ECT2L: variants seen among roughly 807,000 people sequenced by gnomAD.
ECT2L encodes epithelial cell-transforming sequence 2 oncogene-like.
Under a neutral mutation model 122.8 loss-of-function variants are expected in ECT2L, and 126 were observed. The observed-to-expected ratio is 1.03, with a 90% CI of 0.89 to 1.19. ECT2L has a LOEUF of 1.19. Among genes scored for constraint, ECT2L ranks in the 50% most tolerant of loss-of-function variants. The pLI, the probability that ECT2L is intolerant of heterozygous loss-of-function variation, is 0.00. For synonymous variants in ECT2L, 385 were observed against 381.8 expected (o/e 1.01, Z -0.10); for missense variants, 1,012 against 1,064.1 (o/e 0.95, Z 0.68).
intron 16 of ECT2L, among the ~76,000 whole-genome samples, chr6:138,883,894 C>T (rs1455466342): frequency 6.6e-6 from 1 of 152,036 alleles, no homozygotes; most frequent in Non-Finnish European, 1.5e-5. Context: ...ACAGGGTCTC[C>T]CTCTGTCACC....
intron 11 of ECT2L, among the ~76,000 whole-genome samples, chr6:138,864,082 A>G (rs2128399748): frequency 7.6e-6 from 1 of 131,954 alleles, no homozygotes; most frequent in South Asian, 2.8e-4. Context: ...GCACTTTGGG[A>G]GGCTGAAGCA....
intron 4 of ECT2L, among the ~76,000 whole-genome samples, chr6:138,818,194 G>A (rs566876457): frequency 4.1e-4 from 63 of 152,302 alleles, no homozygotes; most frequent in African/African-American, 1.5e-3. Context: ...CATTGACCCA[G>A]GTGTGTATGT....
intron 1 of ECT2L, among the ~76,000 whole-genome samples, chr6:138,801,419 G>A (rs1378559969): frequency 6.6e-6 from 1 of 152,068 alleles, no homozygotes; most frequent in African/African-American, 2.4e-5. Flanking sequence ...GAGCCATATG[G>A]TCTTCCTCCC....
chr6:138,890,255 C>A (rs549665364), intron 20 of ECT2L, among the ~76,000 whole-genome samples: 1 of 152,106 alleles, frequency 6.6e-6, no homozygotes, highest in South Asian at 2.1e-4. Flanking sequence ...CAAACAGCAA[C>A]CAAAGGGAGG....
chr6:138,843,147 A>G lies in ECT2L; in HGVS notation c.511A>G (p.Lys171Glu). Reference protein sequence around the residue: ...AATYGTLNEPKTEDEELLERQ... With the variant: ...AATYGTLNEPETEDEELLERQ... ...TACTTATGGGACGCTGAATGAACCC[A>G]AAACAGAAGATGAGGAACTACTGGA... The change falls in exon 6 of 22, where the codon AAA becomes GAA. Residue 171 changes from lysine to glutamate, a missense_variant. By Grantham distance (56) the Lys-to-Glu change is moderately conservative. Coordinates refer to ENST00000541398, the MANE Select transcript of ECT2L (RefSeq NM_001077706.3). 1 of 1,614,104 alleles carries G rather than the reference A, an allele frequency of 6.2e-7. No homozygotes were observed. Among genetic ancestry groups the G allele is most frequent in the Non-Finnish European group, 8.5e-7 (1 of 1,179,962 alleles).
intron 8 of ECT2L, 97 bp from the exon 9 acceptor site, chr6:138,849,171 GA>G: frequency 8.2e-7 from 1 of 1,214,268 alleles, no homozygotes. Flanking sequence ...AAATTCTTTA[GA>G]AATCACGGCG....
At chr6:138,866,596 A>T (rs1778048125) in intron 12 of ECT2L, among the ~76,000 whole-genome samples, 1 of 152,172 alleles carries the variant, frequency 6.6e-6, no homozygotes, top group African/African-American at 2.4e-5. Flanking sequence ...CATGTTGGCC[A>T]GGTTGGTCTC....
In ECT2L at chr6:138,888,946, C is replaced by T. The variant is rs2128410668; in HGVS notation, c.2329C>T (p.Leu777=). The change falls in exon 20 of 22, where the codon CTA becomes TTA. Residue 777 remains leucine (L), a synonymous_variant. Transcript: ENST00000541398. ...AATTTTGTTTTTGATTTTACAGACTCTATCAGAAGTAAACAGATATCTGAT... is the reference window on the plus strand; with the variant it reads ...AATTTTGTTTTTGATTTTACAGACTTTATCAGAAGTAAACAGATATCTGAT... ...IQRIIWGCPT[L]SEVNRYLIRV... is the part of the protein sequence containing the mutation. 2.1e-6 allele frequency: 3 copies of T among 1,446,290 alleles called. No individual in the cohort carries two copies. The East Asian group carries it at 7.5e-5, about 36-fold the overall frequency. 89.6% of individuals were successfully genotyped at this position (1,446,290 alleles called of 1,614,324 possible).
chr6:138,813,410 T>C, intron 3 of ECT2L, 70 bp downstream of exon 3: 1 of 1,178,580 alleles, frequency 8.5e-7, no homozygotes, highest in Non-Finnish European at 1.2e-6. Context: ...ATATTGGGTC[T>C]CATGTTGCCA....
chr6:138,853,174 G>T (rs901294195), intron 9 of ECT2L, among the ~76,000 whole-genome samples: 1 of 152,026 alleles, frequency 6.6e-6, no homozygotes, highest in Non-Finnish European at 1.5e-5. Context: ...CACCATATTG[G>T]CCAGGCTGAT....
At chr6:138,875,574 G>T (rs1330329596) in intron 13 of ECT2L, among the ~76,000 whole-genome samples, 1 of 152,192 alleles carries the variant, frequency 6.6e-6, no homozygotes, top group Non-Finnish European at 1.5e-5. Context: ...CAGGGGTGGG[G>T]GTGGAGGGCT....
intron 1 of ECT2L, among the ~76,000 whole-genome samples, chr6:138,800,389 T>C (rs1345616717): frequency 6.6e-6 from 1 of 152,258 alleles, no homozygotes; most frequent in East Asian, 1.9e-4. Context: ...AGTTTGGTTT[T>C]ATACACTAAG....
At chr6:138,896,269 A>G (rs1006489089) in intron 20 of ECT2L, among the ~76,000 whole-genome samples, 5 of 151,792 alleles carry the variant, frequency 3.3e-5, no homozygotes, top group African/African-American at 1.2e-4. Context: ...TTTTCTTCCA[A>G]TGGAGTCTTG....
intron 4 of ECT2L, among the ~76,000 whole-genome samples, chr6:138,832,547 T>C (rs186881184): frequency 6.6e-6 from 1 of 152,234 alleles, no homozygotes; most frequent in East Asian, 1.9e-4. Context: ...CTTAAGCCCA[T>C]GCAAGGTACA....
chr6:138,855,784 TAA>T (rs1244620474), intron 10 of ECT2L, among the ~76,000 whole-genome samples: 3 of 152,214 alleles, frequency 2.0e-5, no homozygotes, highest in Admixed American at 2.0e-4. Context: ...CTCTCCCTTT[TAA>T]AAAATGTATT....
chr6:138,855,487 C>T (rs760984475), intron 10 of ECT2L, among the ~76,000 whole-genome samples: 26 of 151,406 alleles, frequency 1.7e-4, no homozygotes, highest in Middle Eastern at 3.4e-3. Flanking sequence ...CCAGCCTGGG[C>T]GACAGAGTGA....
intron 20 of ECT2L, among the ~76,000 whole-genome samples, chr6:138,894,049 CTCTT>C (rs1779128976): frequency 6.6e-6 from 1 of 152,076 alleles, no homozygotes; most frequent in African/African-American, 2.4e-5. Context: ...AACTTCCAAG[CTCTT>C]TCTTTTTAAT....
At chr6:138,864,895 CA>C in intron 11 of ECT2L, 100 bp from the exon 12 acceptor site, 5 of 1,118,956 alleles carry the variant, frequency 4.5e-6, no homozygotes, top group Non-Finnish European at 6.3e-6. Context: ...ATAATAAACT[CA>C]ATACAAATGC....
At chr6:138,842,866 T>G in intron 5 of ECT2L, 113 bp from the exon 6 acceptor site, 1 of 1,018,554 alleles carries the variant, frequency 9.8e-7, no homozygotes, top group East Asian at 2.7e-5. Flanking sequence ...TTCTCAGAGA[T>G]TTTTGTACCA....
Sources: gnomAD v4.1 joint callset for allele counts (sites outside exome capture counted in the v4.1 genomes callset) on GRCh38, gnomAD v4.1.1 for gene constraint, MANE v1.5 for transcripts, NCBI Gene and HGNC (gene_info 2026-07-23, HGNC 2026-07-21) for gene names.